CFAP77: variants seen among roughly 807,000 people sequenced by gnomAD.
The protein encoded by CFAP77 is cilia- and flagella-associated protein 77.
In CFAP77, 25 loss-of-function variants were observed where a neutral mutation model predicts 31.1. The ratio of observed to expected loss-of-function variants is 0.80; its 90% CI spans 0.59 to 1.12. The LOEUF (loss-of-function observed/expected upper bound fraction) is 1.12. CFAP77 is among the 50% of genes most tolerant of loss of function. CFAP77 has a pLI of 0.00. For synonymous variants in CFAP77, 151 were observed against 159.9 expected, an observed-to-expected ratio of 0.94 and a Z score of 0.42; for missense variants, 377 against 397.3, an observed-to-expected ratio of 0.95 and a Z score of 0.44.
intron 3 of CFAP77, among the ~76,000 whole-genome samples, chr9:132,509,349 G>A (rs1407987236): frequency 2.0e-5 from 3 of 152,188 alleles, no homozygotes; most frequent in Non-Finnish European, 4.4e-5. Context: ...TGGCTGCCCA[G>A]CCCGGGCTAC....
Position 132,499,034 on chromosome 9 carries a change from C to CA in CFAP77, c.295+240_295+241insA, listed in dbSNP as rs989857700. The stretch of plus-strand genomic sequence containing the variant: ...AGCATGGGTATCCCCGCACCGCCCC[C>CA]CTTCCCCGCCGCCGGCAGGGACTGT... On this transcript the variant is annotated intron_variant, in intron 2 of 5. Transcript: ENST00000393216. The surrounding 1 kb of genome is among the most constrained non-coding windows in gnomAD (Gnocchi z 5.4). Among the ~76,000 whole-genome samples, 2 of 152,114 alleles carry CA rather than the reference C, an allele frequency of 1.3e-5. No homozygotes were observed. Among genetic ancestry groups the CA allele is most frequent in the Non-Finnish European group, 2.9e-5 (2 of 68,022 alleles).
At chr9:132,561,762 C>T (rs1482622734) in intron 5 of CFAP77, among the ~76,000 whole-genome samples, 4 of 152,144 alleles carry the variant, frequency 2.6e-5, no homozygotes, top group South Asian at 2.1e-4. Flanking sequence ...CCTGCCCTCC[C>T]AACAAGAAGA....
intron 1 of CFAP77, among the ~76,000 whole-genome samples, chr9:132,429,598 A>G: frequency 6.8e-6 from 1 of 147,930 alleles, no homozygotes; most frequent in Admixed American, 6.8e-5. Flanking sequence ...TAATCCCAGC[A>G]CTTTGGGAGG....
intron 1 of CFAP77, among the ~76,000 whole-genome samples, chr9:132,470,783 T>G (rs1167757382): frequency 3.9e-5 from 6 of 152,090 alleles, no homozygotes; most frequent in Admixed American, 1.3e-4. Context: ...CCAAGGTGGG[T>G]GGATCACTTG....
intron 1 of CFAP77, 49 bp downstream of exon 1, chr9:132,410,515 C>T (rs1297280312): frequency 1.3e-5 from 19 of 1,468,884 alleles, no homozygotes; most frequent in Non-Finnish European, 1.4e-5. Context: ...GCTCCGGGCA[C>T]CTGCGCCGCC....
intron 1 of CFAP77, among the ~76,000 whole-genome samples, chr9:132,492,381 G>A (rs1851666496): frequency 6.6e-6 from 1 of 151,824 alleles, no homozygotes; most frequent in Non-Finnish European, 1.5e-5. Context: ...GCTCTGTGCT[G>A]TGCACCGTTG....
chr9:132,572,239 G>C, intron 5 of CFAP77, 149 bp from the exon 6 acceptor site: 1 of 990,406 alleles, frequency 1.0e-6, no homozygotes, highest in Non-Finnish European at 1.5e-6. Flanking sequence ...AGCACCAGGA[G>C]GCTCACAGCA....
chr9:132,471,687 TTTTTGTTTTG>T (rs56232343), intron 1 of CFAP77, among the ~76,000 whole-genome samples: 7 of 148,704 alleles, frequency 4.7e-5, no homozygotes, highest in Non-Finnish European at 5.9e-5. Flanking sequence ...AGGGGGGTTG[TTTTTGTTTTG>T]TTTTGTTTTG....
rs1182154800 is a variant in CFAP77 at position 132,511,283 on chromosome 9, C to T, written c.524+11683C>T. Among the ~76,000 whole-genome samples the T allele has an allele frequency of 2.0e-5, 3 of 152,308 alleles. No homozygotes were observed. Among genetic ancestry groups the T allele is most frequent in the East Asian group, 3.9e-4 (2 of 5,170 alleles). On this transcript the variant is annotated intron_variant, in intron 3 of 5. Transcript: ENST00000393216. This position sits in a 1 kb window ranked among gnomAD's most constrained non-coding sequence, Gnocchi z 5.8. ...GTCCCCTGAACTCCCTCCCTCCCCA[C>T]GTTTCTCTGGACTCACAGGTGCTTT... is the stretch of plus-strand genomic sequence containing the variant.
At position 132,552,802 on chromosome 9, in the gene CFAP77, C is replaced by T. The variant is rs1346389041; in HGVS notation, c.732+9755C>T. On this transcript the variant is annotated intron_variant, in intron 5 of 5. Coordinates refer to ENST00000393216, the MANE Select transcript of CFAP77 (RefSeq NM_001282957.2). The surrounding 1 kb of genome is among the most constrained non-coding windows in gnomAD (Gnocchi z 5.5). The stretch of plus-strand genomic sequence containing the variant: ...TTTCAGCAAGCCAGCTGCCCCAGCT[C>T]TCAGGGTCAGTGTCAACTCCACTCT... 2.6e-5 allele frequency among the ~76,000 whole-genome samples: 4 copies of T among 152,034 alleles called. No individual in the cohort carries two copies. The highest frequency in any genetic ancestry group is 5.9e-5 in the Non-Finnish European group (4 of 68,008).
At chr9:132,418,345 A>G (rs778207286) in intron 1 of CFAP77, among the ~76,000 whole-genome samples, 3 of 152,236 alleles carry the variant, frequency 2.0e-5, no homozygotes, top group Non-Finnish European at 4.4e-5. Context: ...CCCCAAAACA[A>G]GGAATCCTCT....
intron 5 of CFAP77, among the ~76,000 whole-genome samples, chr9:132,570,029 A>T (rs1456572414): frequency 6.6e-6 from 1 of 152,124 alleles, no homozygotes; most frequent in Non-Finnish European, 1.5e-5. Flanking sequence ...CACTGCTCCC[A>T]GCCTCTAGCT....
At chr9:132,439,317 G>T (rs1850573719) in intron 1 of CFAP77, among the ~76,000 whole-genome samples, 1 of 152,168 alleles carries the variant, frequency 6.6e-6, no homozygotes. Context: ...TCCTGGTAGG[G>T]GCGTGCAGGA....
intron 1 of CFAP77, among the ~76,000 whole-genome samples, chr9:132,478,483 A>G (rs1851388776): frequency 6.6e-6 from 1 of 152,124 alleles, no homozygotes; most frequent in South Asian, 2.1e-4. Context: ...TTCCTCTAAT[A>G]ATCAGCCTCC....
intron 1 of CFAP77, among the ~76,000 whole-genome samples, chr9:132,436,620 A>C (rs367560394): frequency 5.9e-5 from 9 of 152,320 alleles, no homozygotes; most frequent in Non-Finnish European, 5.9e-5. Context: ...ATCTTTATGA[A>C]AAGAACAGTC....
rs891707539 is a variant in CFAP77, at chr9:132,496,978, C to T, written c.196-1717C>T. On this transcript the variant is annotated intron_variant, in intron 1 of 5. Coordinates refer to ENST00000393216, the MANE Select transcript of CFAP77 (RefSeq NM_001282957.2). ...TAGCTAAGAGTCACTGGCATTCAGA[C>T]GAGGGTGAGCCATGGTGAACCCAGG... 4.6e-5 allele frequency among the ~76,000 whole-genome samples: 7 copies of T among 152,144 alleles called. 1 individual carries two copies. The highest frequency in any genetic ancestry group is 2.0e-4 in the Admixed American group (3 of 15,286).
At chr9:132,470,219 T>G (rs970954214) in intron 1 of CFAP77, among the ~76,000 whole-genome samples, 2 of 152,184 alleles carry the variant, frequency 1.3e-5, no homozygotes, top group Non-Finnish European at 2.9e-5. Context: ...AGTCATTGGG[T>G]GAACACTTAT....
chr9:132,493,631 G>A (rs879861849), intron 1 of CFAP77, among the ~76,000 whole-genome samples: 6 of 152,170 alleles, frequency 3.9e-5, no homozygotes, highest in Non-Finnish European at 5.9e-5. Context: ...TAAAGCCCCC[G>A]GTGCTATCTT....
At chr9:132,541,361 T>C (rs1057225071) in intron 4 of CFAP77, among the ~76,000 whole-genome samples, 4 of 152,232 alleles carry the variant, frequency 2.6e-5, no homozygotes, top group African/African-American at 9.6e-5. Context: ...TTGCCTCTAA[T>C]TCCGAAGCCT....
Sources: allele counts gnomAD v4.1 joint callset (sites outside exome capture counted in the v4.1 genomes callset), GRCh38; gene constraint gnomAD v4.1.1; non-coding constraint Gnocchi (gnomAD v3.1); transcripts MANE v1.5; gene names NCBI Gene and HGNC (gene_info 2026-07-23, HGNC 2026-07-21).